PPP6R1: variants seen among roughly 807,000 people sequenced by gnomAD.
PPP6R1 encodes the protein serine/threonine-protein phosphatase 6 regulatory subunit 1.
In PPP6R1, 39 loss-of-function variants were observed where a neutral mutation model predicts 104.6. That is an observed-to-expected ratio of 0.37 (90% confidence interval 0.29 to 0.49). The LOEUF (loss-of-function observed/expected upper bound fraction) is 0.49, where lower values mean the gene tolerates loss of function less well. Among genes scored for constraint, PPP6R1 ranks in the 20% least tolerant of loss-of-function variants. PPP6R1 has a pLI of 0.98. For synonymous variants in PPP6R1, 549 were observed against 479.0 expected, an observed-to-expected ratio of 1.15 and a Z score of -1.91; for missense variants, 1,181 against 1,155.8, an observed-to-expected ratio of 1.02 and a Z score of -0.32.
At chr19:55,257,067 A>T (rs1425357294) in intron 1 of PPP6R1, among the ~76,000 whole-genome samples, 8 of 149,538 alleles carry the variant, frequency 5.3e-5, no homozygotes, top group Non-Finnish European at 1.5e-5. Context: ...TCCCAATCCC[A>T]GAACTAGAGT....
intron 17 of PPP6R1, 59 bp downstream of exon 17, chr19:55,236,584 A>T: frequency 6.9e-7 from 1 of 1,444,812 alleles, no homozygotes; most frequent in Non-Finnish European, 9.1e-7. Flanking sequence ...TGTTGGGGGG[A>T]CCCCTTGGCC....
At position 55,245,707 on chromosome 19, in the gene PPP6R1, C is replaced by G; in HGVS notation, c.228-29G>C. 1 of 1,574,882 alleles carries G rather than the reference C, an allele frequency of 6.3e-7. No individual in the cohort carries two copies. The highest frequency in any genetic ancestry group is 8.6e-7 in the Non-Finnish European group (1 of 1,159,502). On this transcript the variant is annotated intron_variant, in intron 2 of 23. Coordinates refer to ENST00000412770, the MANE Select transcript of PPP6R1 (RefSeq NM_014931.4). The surrounding 1 kb of genome is among the most constrained non-coding windows in gnomAD (Gnocchi z 6.4). Reference sequence around the variant, plus strand: ...GGAGGCAAGCACAGGCGGGTGGGGGCTCGGGTCGGAGGCCGGGGGCAGGGG... The same window carrying G: ...GGAGGCAAGCACAGGCGGGTGGGGGGTCGGGTCGGAGGCCGGGGGCAGGGG...
At position 55,230,810 on chromosome 19, in the gene PPP6R1, T is replaced by C; in HGVS notation, c.2534A>G (p.Lys845Arg). Residue 845 changes from lysine to arginine, a missense_variant, in exon 22 of 24, where the codon AAG (lysine) becomes AGG (arginine). Lys to Arg is a conservative substitution (Grantham distance 26). Transcript: ENST00000412770. ...GGGAAGCCCCAAGGGCTCTGGGCTCTTCTCCCCTTCTGTGGTCTGGGGGGG... is the reference window on the plus strand; with the variant it reads ...GGGAAGCCCCAAGGGCTCTGGGCTCCTCTCCCCTTCTGTGGTCTGGGGGGG... Reference protein sequence around the residue: ...HQPPQTTEGEKSPEPLGLPQS... With the variant: ...HQPPQTTEGERSPEPLGLPQS... 1 of 1,560,018 alleles carries C rather than the reference T, an allele frequency of 6.4e-7. No homozygotes were observed. Among genetic ancestry groups the C allele is most frequent in the Non-Finnish European group, 8.7e-7 (1 of 1,153,634 alleles).
Position 55,241,259 on chromosome 19 carries a change from C to A in PPP6R1, c.1141G>T (p.Asp381Tyr). The A allele has an allele frequency of 6.2e-7, 1 of 1,605,332 alleles. No individual in the cohort carries two copies. Among genetic ancestry groups the A allele is most frequent in the South Asian group, 1.1e-5 (1 of 90,290 alleles). ...CGCACCAGCATGGTGTTGGGCACGT[C>A]CAGTGCCAGGAGCTCGTGCGTCAGG... Reference protein sequence around the residue: ...AALTHELLALDVPNTMLDLFF... With the variant: ...AALTHELLALYVPNTMLDLFF... The change falls in exon 9 of 24, where the codon GAC becomes TAC. Residue 381 changes from aspartate (D) to tyrosine (Y), a missense_variant. By Grantham distance (160) the Asp-to-Tyr change is radical. This residue lies in a region of PPP6R1 where 1,042 missense variants were observed against 955.6 expected (regional missense o/e 1.09). Coordinates refer to ENST00000412770, the MANE Select transcript of PPP6R1 (RefSeq NM_014931.4). This position sits in a 1 kb window ranked among gnomAD's most constrained non-coding sequence, Gnocchi z 5.4.
At chr19:55,238,238 C>T (rs779867455) in intron 15 of PPP6R1, among the ~76,000 whole-genome samples, 2 of 152,176 alleles carry the variant, frequency 1.3e-5, no homozygotes, top group Non-Finnish European at 2.9e-5. Flanking sequence ...GGTCTCGGCA[C>T]AGGCCACTGA....
rs753938760 is a variant in PPP6R1, at chr19:55,241,451, C to G, written c.1008+26G>C. The G allele has an allele frequency of 6.3e-7, 1 of 1,597,166 alleles. No homozygotes were observed. The highest frequency in any genetic ancestry group is 1.1e-5 in the South Asian group (1 of 89,902). On this transcript the variant is annotated intron_variant, in intron 8 of 23. Coordinates refer to ENST00000412770, the MANE Select transcript of PPP6R1 (RefSeq NM_014931.4). This position sits in a 1 kb window ranked among gnomAD's most constrained non-coding sequence, Gnocchi z 5.4. The stretch of plus-strand genomic sequence containing the variant: ...GCCCTTCCTGCTTCCCCCGCCTCCC[C>G]GAGGACCAGAACCCACACCCCTGAC...
At chr19:55,247,140 C>T (rs769622894) in intron 1 of PPP6R1, 31 bp from the exon 2 acceptor site, 18 of 1,599,086 alleles carry the variant, frequency 1.1e-5, no homozygotes, top group Admixed American at 3.3e-5. Flanking sequence ...AGCGCCGCGT[C>T]AGACGCCCCA....
intron 17 of PPP6R1, 73 bp from the exon 18 acceptor site, chr19:55,232,284 C>T: frequency 6.8e-7 from 1 of 1,471,654 alleles, no homozygotes; most frequent in Non-Finnish European, 9.0e-7. Flanking sequence ...TCCCTGCAGC[C>T]CAGGGTCAGC....
At position 55,234,144 on chromosome 19, in the gene PPP6R1, A is replaced by G. The variant is rs560044562; in HGVS notation, c.1989-1933T>C. On this transcript the variant is annotated intron_variant, in intron 17 of 23. Transcript: ENST00000412770. ...GTATTTTTAGTAGAGATGGGGTTTC[A>G]CCATGTTGGCCAGGCTGGTCTCAAA... Among the ~76,000 whole-genome samples, 13 of 152,264 alleles carry G rather than the reference A, an allele frequency of 8.5e-5. No homozygotes were observed. The South Asian group carries it at 2.5e-3, about 29-fold the overall frequency.
intron 1 of PPP6R1, among the ~76,000 whole-genome samples, chr19:55,254,305 T>C (rs1329260397): frequency 6.6e-6 from 1 of 152,212 alleles, no homozygotes; most frequent in Non-Finnish European, 1.5e-5. Flanking sequence ...GGGGAAATTG[T>C]AAATGAGAAA....
intron 1 of PPP6R1, among the ~76,000 whole-genome samples, chr19:55,247,642 C>A (rs1313473554): frequency 1.3e-5 from 2 of 152,230 alleles, no homozygotes; most frequent in Non-Finnish European, 2.9e-5. Context: ...TGACTTCCAG[C>A]ACACGGCTGC....
At chr19:55,257,284 C>T (rs184334523) in intron 1 of PPP6R1, among the ~76,000 whole-genome samples, 1 of 152,298 alleles carries the variant, frequency 6.6e-6, no homozygotes, top group East Asian at 1.9e-4. Flanking sequence ...TAGACCCTCG[C>T]CCTTGGGCTG....
chr19:55,245,205 G>T lies in PPP6R1; in HGVS notation c.553-20C>A. 1 of 1,610,634 alleles carries T rather than the reference G, an allele frequency of 6.2e-7. No homozygotes were observed. ...GAGCCACTGAGGGTGAGAAGGCGAGGGATGCATCGCTGTCCACCACGCCCA... is the reference window on the plus strand; with the variant it reads ...GAGCCACTGAGGGTGAGAAGGCGAGTGATGCATCGCTGTCCACCACGCCCA... On this transcript the variant is annotated intron_variant, in intron 4 of 23. Transcript: ENST00000412770. This position sits in a 1 kb window ranked among gnomAD's most constrained non-coding sequence, Gnocchi z 6.4.
At chr19:55,234,082 T>C (rs2087373257) in intron 17 of PPP6R1, among the ~76,000 whole-genome samples, 1 of 152,212 alleles carries the variant, frequency 6.6e-6, no homozygotes, top group Non-Finnish European at 1.5e-5. Flanking sequence ...CCTGAGTAGC[T>C]GGGATTACAG....
intron 17 of PPP6R1, among the ~76,000 whole-genome samples, chr19:55,235,840 CTTTTT>C (rs1196377498): frequency 8.8e-6 from 1 of 113,066 alleles, no homozygotes. Context: ...TTTGTTGATT[CTTTTT>C]TTTTTTTTTT....
intron 2 of PPP6R1, among the ~76,000 whole-genome samples, chr19:55,246,070 C>T (rs569205588): frequency 6.6e-6 from 1 of 152,296 alleles, no homozygotes; most frequent in South Asian, 2.1e-4. Context: ...CTCCTGCCTC[C>T]CTCCTCCAAA....
chr19:55,248,746 G>A (rs1311537992), intron 1 of PPP6R1, among the ~76,000 whole-genome samples: 1 of 152,196 alleles, frequency 6.6e-6, no homozygotes, highest in Non-Finnish European at 1.5e-5. Context: ...GGAGCACCAG[G>A]CCCAGGGAAG....
At chr19:55,244,183 G>A (rs573509594) in intron 5 of PPP6R1, among the ~76,000 whole-genome samples, 1 of 152,312 alleles carries the variant, frequency 6.6e-6, no homozygotes, top group African/African-American at 2.4e-5. Context: ...ACAGGGACAG[G>A]CCCCAGCCTG....
At position 55,239,681 on chromosome 19, in the gene PPP6R1, C is replaced by T. The variant is rs1273292936; in HGVS notation, c.1566G>A (p.Val522=). Residue 522 remains valine, a splice_region_variant and synonymous_variant, in exon 14 of 24, where the codon GTG becomes GTA. Coordinates refer to ENST00000412770, the MANE Select transcript of PPP6R1 (RefSeq NM_014931.4). ...ETNKKNMVDL[V]NTHHLHSSSD... is the part of the protein sequence containing the mutation. ...TGGAGGAGTGTAGGTGGTGGGTGTT[C>T]ACCTGGGGAGAGGAGGGGGCGTCAG... 6.2e-7 allele frequency: 1 copy of T among 1,610,306 alleles called. No homozygotes were observed. Among genetic ancestry groups the T allele is most frequent in the Non-Finnish European group, 8.5e-7 (1 of 1,178,102 alleles).
Sources: gnomAD v4.1 joint callset for allele counts (sites outside exome capture counted in the v4.1 genomes callset) on GRCh38, gnomAD v4.1.1 for gene constraint, gnomAD v4.1.1 regional missense constraint, Gnocchi (gnomAD v3.1) non-coding constraint, MANE v1.5 for transcripts, NCBI Gene and HGNC (gene_info 2026-07-23, HGNC 2026-07-21) for gene names.